The following SYNJ2 variants were observed in gnomAD, a reference collection of about 807,000 sequenced individuals.
The protein encoded by SYNJ2 is polyphosphatidylinositol phosphatase SYNJ2.
SYNJ2 carries 116 observed loss-of-function variants against 141.3 expected under a neutral mutation model. That is an observed-to-expected ratio of 0.82 (90% CI 0.71 to 0.96). The LOEUF (loss-of-function observed/expected upper bound fraction) is 0.96, where lower values mean the gene tolerates loss of function less well. Ranked by LOEUF, SYNJ2 falls within the 40% of genes least tolerant of loss-of-function variation. The pLI, the probability that SYNJ2 is intolerant of heterozygous loss-of-function variation, is 0.00. For missense variants in SYNJ2, 1,873 were observed against 1,934.8 expected, an observed-to-expected ratio of 0.97 and a Z score of 0.60; for synonymous variants, 745 against 777.7, an observed-to-expected ratio of 0.96 and a Z score of 0.70.
At chr6:158,004,223 C>T (rs993705504) in intron 1 of SYNJ2, among the ~76,000 whole-genome samples, 22 of 152,112 alleles carry the variant, frequency 1.4e-4, no homozygotes, top group Non-Finnish European at 5.9e-5. Flanking sequence ...ACCTGCTGGG[C>T]TGCATTCCCA....
chr6:158,016,635 T>C (rs1194465997), intron 1 of SYNJ2, among the ~76,000 whole-genome samples: 1 of 152,150 alleles, frequency 6.6e-6, no homozygotes, highest in Non-Finnish European at 1.5e-5. Context: ...GCCTAATGGT[T>C]CTTCCCTCTG....
intron 2 of SYNJ2, among the ~76,000 whole-genome samples, chr6:158,018,064 A>G (rs1296936273): frequency 6.6e-6 from 1 of 152,052 alleles, no homozygotes; most frequent in Non-Finnish European, 1.5e-5. Context: ...AAAGCCACCG[A>G]TGTGTGACTG....
At position 158,092,911 on chromosome 6, in the gene SYNJ2, G is replaced by C. The variant is rs112447827; in HGVS notation, c.3566-15G>C. 1,205 of 1,575,824 alleles carry C rather than the reference G, an allele frequency of 7.6e-4. 8 individuals carry two copies. The African/African-American group carries it at 0.014, about 19-fold the overall frequency. On this transcript the variant is annotated splice_polypyrimidine_tract_variant and intron_variant, in intron 25 of 26. Transcript: ENST00000355585. Reference sequence around the variant, plus strand: ...CTTGTCCTTTACACTTCAGCCATGTGGTTTTATGTTTCAGGTGCCTCCGAA... The same window carrying C: ...CTTGTCCTTTACACTTCAGCCATGTCGTTTTATGTTTCAGGTGCCTCCGAA...
At chr6:157,996,397 T>G (rs1418764370) in intron 1 of SYNJ2, among the ~76,000 whole-genome samples, 1 of 152,092 alleles carries the variant, frequency 6.6e-6, no homozygotes, top group African/African-American at 2.4e-5. Context: ...CTCCTGGCTC[T>G]TCCCCTGCTC....
intron 17 of SYNJ2, 40 bp from the exon 18 acceptor site, chr6:158,078,124 G>A (rs749050686): frequency 3.0e-6 from 4 of 1,340,802 alleles, no homozygotes; most frequent in South Asian, 2.4e-5. Context: ...ATATTGACTC[G>A]ATTCTATATG....
intron 4 of SYNJ2, among the ~76,000 whole-genome samples, chr6:158,041,964 C>T (rs1779972092): frequency 6.6e-6 from 1 of 152,266 alleles, no homozygotes; most frequent in Admixed American, 6.5e-5. Flanking sequence ...CGCCTCCCAC[C>T]TTGGCCTCCC....
intron 5 of SYNJ2, among the ~76,000 whole-genome samples, chr6:158,047,509 G>T (rs1212174290): frequency 6.6e-6 from 1 of 152,110 alleles, no homozygotes. Context: ...GGGCATGGGG[G>T]CTCATGCCTG....
chr6:158,036,611 A>G (rs1421354128), intron 4 of SYNJ2, among the ~76,000 whole-genome samples: 2 of 152,140 alleles, frequency 1.3e-5, no homozygotes, highest in African/African-American at 4.8e-5. Context: ...ACTGGGGCCT[A>G]TCAGAGGGTG....
In SYNJ2 at chr6:157,986,394, C is replaced by G. The variant is rs113398637; in HGVS notation, c.127+4306C>G. On this transcript the variant is annotated intron_variant, in intron 1 of 26. Coordinates refer to ENST00000355585, the MANE Select transcript of SYNJ2 (RefSeq NM_003898.4). The stretch of plus-strand genomic sequence containing the variant: ...TCTTTGCCCAGCTGGAGTACAATGG[C>G]GCAATCTTGGCTCACTGCAACCCCC... Among the ~76,000 whole-genome samples, 526 of 152,296 alleles carry G rather than the reference C, an allele frequency of 3.5e-3. 3 individuals are homozygous for G. Among genetic ancestry groups the G allele is most frequent in the Non-Finnish European group, 5.2e-3 (354 of 68,026 alleles).
intron 2 of SYNJ2, among the ~76,000 whole-genome samples, chr6:158,023,093 A>G (rs1226033330): frequency 6.6e-6 from 1 of 152,020 alleles, no homozygotes; most frequent in Admixed American, 6.5e-5. Flanking sequence ...CTACATAGTG[A>G]TGGTATCTAC....
At position 158,071,634 on chromosome 6, in the gene SYNJ2, T is replaced by TG; in HGVS notation, c.1979dup (p.Lys661GlnfsTer24). 2 of 1,613,912 alleles carry TG rather than the reference T, an allele frequency of 1.2e-6. No homozygotes were observed. Among genetic ancestry groups the TG allele is most frequent in the Non-Finnish European group, 1.7e-6 (2 of 1,179,996 alleles). ...GCCATCGACACAGTGAAGACGGGCA[T>TG]GGGGGGCAAGGCGGGGAACAAGGGC... On this transcript the variant is annotated frameshift_variant, in exon 15 of 27. Transcript: ENST00000355585. LOFTEE classifies it high-confidence loss of function. The surrounding 1 kb of genome is among the most constrained non-coding windows in gnomAD (Gnocchi z 4.3).
At chr6:158,039,317 A>G (rs1583379323) in intron 4 of SYNJ2, among the ~76,000 whole-genome samples, 1 of 152,224 alleles carries the variant, frequency 6.6e-6, no homozygotes, top group East Asian at 1.9e-4. Flanking sequence ...CTCTGCGGCC[A>G]CCTGCTGAGG....
chr6:158,005,638 G>A (rs979389540), intron 1 of SYNJ2, among the ~76,000 whole-genome samples: 1 of 152,076 alleles, frequency 6.6e-6, no homozygotes, highest in African/African-American at 2.4e-5. Flanking sequence ...CACGGGCAGA[G>A]CGTACCATCA....
At chr6:157,989,067 G>A (rs773537281) in intron 1 of SYNJ2, among the ~76,000 whole-genome samples, 7 of 152,130 alleles carry the variant, frequency 4.6e-5, no homozygotes, top group Non-Finnish European at 5.9e-5. Context: ...TGCTTAATCC[G>A]CTATTCTACA....
intron 2 of SYNJ2, chr6:158,017,519 A>T: frequency 1.8e-6 from 1 of 549,728 alleles, no homozygotes. Context: ...GGTTCAAGCA[A>T]TTCTCCTGCC....
At chr6:157,990,692 C>T (rs1356695729) in intron 1 of SYNJ2, among the ~76,000 whole-genome samples, 2 of 152,218 alleles carry the variant, frequency 1.3e-5, no homozygotes, top group African/African-American at 2.4e-5. Context: ...CACGGGCTCC[C>T]GTGCAGTTTC....
At chr6:158,003,649 G>A (rs1315508477) in intron 1 of SYNJ2, among the ~76,000 whole-genome samples, 1 of 152,182 alleles carries the variant, frequency 6.6e-6, no homozygotes, top group Non-Finnish European at 1.5e-5. Context: ...ATTTCCTTAA[G>A]GCGTGTTATT....
chr6:158,014,388 G>A (rs563539692), intron 1 of SYNJ2, among the ~76,000 whole-genome samples: 5 of 152,318 alleles, frequency 3.3e-5, no homozygotes, highest in Non-Finnish European at 5.9e-5. Context: ...CATAAAACAA[G>A]GTTAGTATTG....
chr6:158,084,252 T>C lies in SYNJ2; in HGVS notation c.3208+78T>C, dbSNP rs1441843617. 4 of 1,487,326 alleles carry C rather than the reference T, an allele frequency of 2.7e-6. No homozygotes were observed. In the East Asian group the frequency reaches 6.8e-5, roughly 25 times the overall value. 92.1% of individuals were successfully genotyped at this position (1,487,326 alleles called of 1,614,324 possible). ...CAGACTTTCCTTTTTCTCTTGGCGA[T>C]TGGGCACTGTGTGATATCAAGTATG... On this transcript the variant is annotated intron_variant, in intron 22 of 26. Coordinates refer to ENST00000355585, the MANE Select transcript of SYNJ2 (RefSeq NM_003898.4). This position sits in a 1 kb window ranked among gnomAD's most constrained non-coding sequence, Gnocchi z 5.0.
Sources: allele counts gnomAD v4.1 joint callset (sites outside exome capture counted in the v4.1 genomes callset), GRCh38; gene constraint gnomAD v4.1.1; non-coding constraint Gnocchi (gnomAD v3.1); transcripts MANE v1.5; gene names NCBI Gene and HGNC (gene_info 2026-07-23, HGNC 2026-07-21).